The following CYP26B1 variants were observed in gnomAD, a reference collection of about 807,000 sequenced individuals.
The protein encoded by CYP26B1 is cytochrome P450 family 26 subfamily B member 1.
CYP26B1 carries 8 observed loss-of-function variants against 39.1 expected under a neutral mutation model. That is an observed-to-expected ratio of 0.20 (90% CI 0.12 to 0.37). The LOEUF (loss-of-function observed/expected upper bound fraction) is 0.37. CYP26B1 is among the 10% of genes least tolerant of loss of function. The pLI, the probability that CYP26B1 is intolerant of heterozygous loss-of-function variation, is 1.00. For missense variants in CYP26B1, 615 were observed against 707.0 expected (o/e 0.87, Z 1.48); for synonymous variants, 321 against 314.3 (o/e 1.02, Z -0.23).
Position 72,132,467 on chromosome 2 carries a change from C to A in CYP26B1, c.1299G>T (p.Pro433=). The A allele has an allele frequency of 6.2e-7, 1 of 1,613,282 alleles. No individual in the cohort carries two copies. The highest frequency in any genetic ancestry group is 8.5e-7 in the Non-Finnish European group (1 of 1,179,670). ...EDKDGRFHYL[P]FGGGVRTCLG... is the part of the protein sequence containing the mutation. ...GGCAGGTCCGGACACCGCCACCGAA[C>A]GGGAGGTAATGGAAGCGGCCATCCT... Residue 433 remains proline, a synonymous_variant, in exon 6 of 6, where the codon CCG becomes CCT. Transcript: ENST00000001146.
At chr2:72,135,442 G>C in intron 2 of CYP26B1, 23 bp from the exon 3 acceptor site, 1 of 1,604,450 alleles carries the variant, frequency 6.2e-7, no homozygotes. Context: ...GAGGCAAGTG[G>C]GTGAGCCGAT....
At position 72,135,423 on chromosome 2, in the gene CYP26B1, G is replaced by A. The variant is rs1425737946; in HGVS notation, c.430-4C>T. 6.2e-7 allele frequency: 1 copy of A among 1,608,490 alleles called. No individual in the cohort carries two copies. Among genetic ancestry groups the A allele is most frequent in the Admixed American group, 1.7e-5 (1 of 60,020 alleles). ...GGCTGAAGATCTTGGAGAAGACCTG[G>A]AAGGCAGAGAGGCAAGTGGGTGAGC... On this transcript the variant is annotated splice_region_variant and splice_polypyrimidine_tract_variant and intron_variant, in intron 2 of 5. Transcript: ENST00000001146.
In CYP26B1 at chr2:72,133,139, G is replaced by A. The variant is rs144968323; in HGVS notation, c.1030C>T (p.Arg344Cys). The change falls in exon 5 of 6, where the codon CGC (arginine) becomes TGC (cysteine). Residue 344 changes from arginine (R) to cysteine (C), a missense_variant. Physicochemically the swap from Arg to Cys is radical, Grantham distance 180 (BLOSUM62 -3). Coordinates refer to ENST00000001146, the MANE Select transcript of CYP26B1 (RefSeq NM_019885.4). ...SGGCPCEGTLRLDTLSGLRYL... is the reference protein window; with the variant it reads ...SGGCPCEGTLCLDTLSGLRYL... Reference sequence around the variant, plus strand: ...CGCAGCCCACTGAGCGTGTCCAGGCGCAGTGTGCCCTCGCAGGGGCAGCCG... The same window carrying A: ...CGCAGCCCACTGAGCGTGTCCAGGCACAGTGTGCCCTCGCAGGGGCAGCCG... 7.7e-5 allele frequency: 124 copies of A among 1,612,710 alleles called. No homozygotes were observed. The highest frequency in any genetic ancestry group is 6.5e-4 in the African/African-American group (49 of 75,072).
At chr2:72,135,554 G>C in intron 2 of CYP26B1, 135 bp from the exon 3 acceptor site, 1 of 1,300,128 alleles carries the variant, frequency 7.7e-7, no homozygotes, top group Non-Finnish European at 1.1e-6. Context: ...TGGGAGCTGG[G>C]CAGGCCAGCT....
intron 2 of CYP26B1, among the ~76,000 whole-genome samples, chr2:72,143,394 A>C: frequency 6.7e-6 from 1 of 150,264 alleles, no homozygotes; most frequent in African/African-American, 2.5e-5. Context: ...GTGCGCTTTG[A>C]TCCCCGCTCG....
At chr2:72,142,344 T>C (rs1402699396) in intron 2 of CYP26B1, among the ~76,000 whole-genome samples, 1 of 152,120 alleles carries the variant, frequency 6.6e-6, no homozygotes, top group Non-Finnish European at 1.5e-5. Flanking sequence ...CTCCTAGCAC[T>C]CACTGTCCAC....
At chr2:72,139,434 C>T (rs1345062483) in intron 2 of CYP26B1, among the ~76,000 whole-genome samples, 1 of 152,194 alleles carries the variant, frequency 6.6e-6, no homozygotes, top group African/African-American at 2.4e-5. Context: ...CTGGAAATGT[C>T]CAATCTGGGT....
chr2:72,143,934 C>A, intron 2 of CYP26B1, 55 bp downstream of exon 2: 2 of 1,599,744 alleles, frequency 1.3e-6, no homozygotes, highest in Non-Finnish European at 1.7e-6. Flanking sequence ...TCCAGGAACT[C>A]CTTGCCCCGA....
At chr2:72,144,298 T>G in intron 1 of CYP26B1, 85 bp from the exon 2 acceptor site, 1 of 1,535,636 alleles carries the variant, frequency 6.5e-7, no homozygotes, top group Non-Finnish European at 8.8e-7. Context: ...CAACCCGGGG[T>G]ACAGTCACCT....
chr2:72,132,823 A>C (rs1381510201), intron 5 of CYP26B1, among the ~76,000 whole-genome samples, 200 bp downstream of exon 5: 1 of 152,214 alleles, frequency 6.6e-6, no homozygotes, highest in Admixed American at 6.5e-5. Context: ...TGCACATGTG[A>C]CTTCACATAT....
Position 72,135,127 on chromosome 2 carries a change from AGGCCCT to A in CYP26B1, c.705+11_705+16del. 6.2e-7 allele frequency: 1 copy of A among 1,611,910 alleles called. No homozygotes were observed. Among genetic ancestry groups the A allele is most frequent in the Non-Finnish European group, 8.5e-7 (1 of 1,179,856 alleles). On this transcript the variant is annotated intron_variant, in intron 3 of 5. Transcript: ENST00000001146. ...TGGATGCCCCTGCTCCTCTCCTCCCAGGCCCTGGGTGCTCACCCGCCGGTAGCCACT... is the reference window on the plus strand; with the variant it reads ...TGGATGCCCCTGCTCCTCTCCTCCCAGGGTGCTCACCCGCCGGTAGCCACT...
At chr2:72,134,653 G>A (rs570495932) in intron 4 of CYP26B1, 108 bp downstream of exon 4, 4 of 1,500,794 alleles carry the variant, frequency 2.7e-6, no homozygotes, top group Non-Finnish European at 3.6e-6. Flanking sequence ...GCATGTGTGG[G>A]GCCAGACTAC....
At chr2:72,140,166 G>A (rs1388008096) in intron 2 of CYP26B1, among the ~76,000 whole-genome samples, 1 of 152,186 alleles carries the variant, frequency 6.6e-6, no homozygotes, top group Non-Finnish European at 1.5e-5. Context: ...ACCCCTCCCT[G>A]CCTTGGGAGA....
chr2:72,132,990 C>A, intron 5 of CYP26B1, 33 bp downstream of exon 5: 1 of 1,612,864 alleles, frequency 6.2e-7, no homozygotes, highest in Non-Finnish European at 8.5e-7. Flanking sequence ...CCCTGCTCCC[C>A]CATCGCCCCC....
intron 2 of CYP26B1, chr2:72,143,008 G>C (rs1337375880): frequency 2.4e-5 from 4 of 167,104 alleles, no homozygotes; most frequent in Admixed American, 6.5e-5. Context: ...CCCCACCTTC[G>C]CCAAGACCAC....
chr2:72,144,362 T>A (rs969122331), intron 1 of CYP26B1, 149 bp from the exon 2 acceptor site: 1 of 1,441,492 alleles, frequency 6.9e-7, no homozygotes, highest in Non-Finnish European at 9.1e-7. Flanking sequence ...GGTTTTATTT[T>A]TCATAGCGTG....
In CYP26B1 at chr2:72,144,084, G is replaced by A. The variant is rs1217039507; in HGVS notation, c.334C>T (p.Leu112Phe). 1.2e-6 allele frequency: 2 copies of A among 1,613,622 alleles called. No individual in the cohort carries two copies. The highest frequency in any genetic ancestry group is 1.1e-5 in the South Asian group (1 of 91,082). ...VRKILMGEHH[L>F]VSTEWPRSTR... is the part of the protein sequence containing the mutation. ...CTGCGAGGCCACTCGGTGCTCACGA[G>A]GTGGTGCTCGCCCATGAGGATCTTG... The change falls in exon 2 of 6, where the codon CTC becomes TTC. Residue 112 changes from leucine (L) to phenylalanine (F), a missense_variant. Coordinates refer to ENST00000001146, the MANE Select transcript of CYP26B1 (RefSeq NM_019885.4).
chr2:72,138,950 C>T (rs1340726851), intron 2 of CYP26B1, among the ~76,000 whole-genome samples: 1 of 152,210 alleles, frequency 6.6e-6, no homozygotes, highest in African/African-American at 2.4e-5. Context: ...AAGCATTCTC[C>T]CCAACCAGGC....
In CYP26B1 at chr2:72,129,578, A is replaced by T. The variant is rs1361606960; in HGVS notation, c.*2649T>A. The stretch of plus-strand genomic sequence containing the variant: ...GAATTATAACAAAAATAGTACTTAT[A>T]ATAGTTTATAAAGACAGACACAAAA... On this transcript the variant is annotated 3_prime_UTR_variant, in exon 6 of 6. Transcript: ENST00000001146. 1.3e-5 allele frequency: 2 copies of T among 152,466 alleles called. No homozygotes were observed. Among genetic ancestry groups the T allele is most frequent in the Admixed American group, 6.6e-5 (1 of 15,262 alleles). The allele number at this position is 152,466 out of a possible 1,614,324, so 9.4% of individuals were successfully genotyped here.
Sources: gnomAD v4.1 joint callset for allele counts (sites outside exome capture counted in the v4.1 genomes callset) on GRCh38, gnomAD v4.1.1 for gene constraint, MANE v1.5 for transcripts, NCBI Gene and HGNC (gene_info 2026-07-23, HGNC 2026-07-21) for gene names.